Variants in DPP10 observed in about 807,000 individuals in gnomAD.
The protein encoded by DPP10 is dipeptidyl peptidase like 10, also known as inactive dipeptidyl peptidase 10.
Under a neutral mutation model 120.9 loss-of-function variants are expected in DPP10, and 33 were observed. The ratio of observed to expected loss-of-function variants is 0.27; its 90% CI spans 0.21 to 0.37. The LOEUF is 0.37. Among genes scored for constraint, DPP10 ranks in the 10% least tolerant of loss-of-function variants. DPP10 has a pLI of 1.00. For missense variants in DPP10, 816 were observed against 942.8 expected (o/e 0.87, Z 1.76); for synonymous variants, 337 against 326.1 (o/e 1.03, Z -0.36).
At chr2:115,625,824 A>G (rs781593460) in intron 5 of DPP10, among the ~76,000 whole-genome samples, 1 of 151,072 alleles carries the variant, frequency 6.6e-6, no homozygotes, top group South Asian at 2.1e-4. Flanking sequence ...ATTTGGCCAT[A>G]AAAAAGAATG....
At chr2:114,528,936 G>C (rs542579008) in intron 1 of DPP10, among the ~76,000 whole-genome samples, 2 of 152,024 alleles carry the variant, frequency 1.3e-5, no homozygotes, top group African/African-American at 4.8e-5. Flanking sequence ...TTGTCATTCT[G>C]TTTGACCCCT....
intron 1 of DPP10, among the ~76,000 whole-genome samples, chr2:114,882,187 T>C (rs576638182): frequency 1.3e-5 from 2 of 152,164 alleles, no homozygotes; most frequent in Admixed American, 1.3e-4. Flanking sequence ...AATAAGCCAT[T>C]ATATGAAAAA....
At chr2:115,047,524 C>T (rs1228515979) in intron 1 of DPP10, among the ~76,000 whole-genome samples, 4 of 151,694 alleles carry the variant, frequency 2.6e-5, no homozygotes, top group South Asian at 2.1e-4. Flanking sequence ...GTGTCTTTTT[C>T]ATTATTTTAA....
At chr2:115,563,204 A>G (rs1170506559) in intron 5 of DPP10, among the ~76,000 whole-genome samples, 1 of 152,140 alleles carries the variant, frequency 6.6e-6, no homozygotes, top group Admixed American at 6.5e-5. Context: ...GCTGTGCATC[A>G]TTTTATCCTG....
intron 1 of DPP10, among the ~76,000 whole-genome samples, chr2:114,664,863 C>G (rs1294231669): frequency 6.7e-6 from 1 of 149,342 alleles, no homozygotes; most frequent in Non-Finnish European, 1.5e-5. Context: ...GATAGAGCAT[C>G]CAAAAGATGG....
chr2:114,514,770 GT>G lies in DPP10; in HGVS notation c.60+71943del, dbSNP rs1288586304. ...AACTGGGAAAGATCTTTTTTTTCTG[GT>G]TTTTTTTTTTGTTCCTTTTTTTTTC... On this transcript the variant is annotated intron_variant, in intron 1 of 25. Coordinates refer to ENST00000410059, the MANE Select transcript of DPP10 (RefSeq NM_020868.6). Among the ~76,000 whole-genome samples the G allele has an allele frequency of 3.9e-3, 573 of 147,718 alleles. 3 individuals are homozygous for G. Among genetic ancestry groups the G allele is most frequent in the African/African-American group, 0.013 (525 of 40,184 alleles).
chr2:115,469,643 A>G (rs555870775), intron 3 of DPP10, among the ~76,000 whole-genome samples: 1 of 152,314 alleles, frequency 6.6e-6, no homozygotes, highest in South Asian at 2.1e-4. Context: ...TCACACCTGT[A>G]ATCCGAGCAC....
chr2:114,700,806 C>T (rs902030602), intron 1 of DPP10, among the ~76,000 whole-genome samples: 2 of 152,080 alleles, frequency 1.3e-5, no homozygotes, highest in South Asian at 4.1e-4. Flanking sequence ...TACTCCACAA[C>T]ATTGGTACTT....
At chr2:115,250,480 G>T (rs1394229707) in intron 1 of DPP10, among the ~76,000 whole-genome samples, 1 of 152,192 alleles carries the variant, frequency 6.6e-6, no homozygotes, top group Non-Finnish European at 1.5e-5. Context: ...GATTGGAAGA[G>T]AAATGTATGG....
chr2:114,954,484 T>G (rs1698057414), intron 1 of DPP10, among the ~76,000 whole-genome samples: 1 of 151,998 alleles, frequency 6.6e-6, no homozygotes, highest in South Asian at 2.1e-4. Context: ...GGGAAGTTTT[T>G]AAGTAAGTAA....
chr2:114,864,100 A>G (rs1470600753), intron 1 of DPP10, among the ~76,000 whole-genome samples: 1 of 152,236 alleles, frequency 6.6e-6, no homozygotes, highest in African/African-American at 2.4e-5. Context: ...TCTCTTAGAG[A>G]AACATAATGG....
chr2:114,721,877 C>A (rs565579957), intron 1 of DPP10, among the ~76,000 whole-genome samples: 1 of 152,288 alleles, frequency 6.6e-6, no homozygotes, highest in Non-Finnish European at 1.5e-5. Context: ...CTGAATCTGC[C>A]ACTTCCTATC....
intron 21 of DPP10, among the ~76,000 whole-genome samples, chr2:115,828,361 A>G (rs1177517368): frequency 2.0e-5 from 3 of 151,918 alleles, no homozygotes; most frequent in Non-Finnish European, 2.9e-5. Context: ...AGTTTTCTTC[A>G]TATGTCTTAC....
intron 12 of DPP10, 99 bp downstream of exon 12, chr2:115,762,709 T>C: frequency 7.4e-7 from 1 of 1,348,150 alleles, no homozygotes; most frequent in African/African-American, 1.4e-5. Flanking sequence ...AGTTTAAGGC[T>C]TTGCTAGGTT....
intron 13 of DPP10, among the ~76,000 whole-genome samples, chr2:115,776,126 C>A (rs1019441783): frequency 9.9e-5 from 15 of 152,080 alleles, no homozygotes; most frequent in Non-Finnish European, 2.1e-4. Flanking sequence ...ATACACAACA[C>A]TAGAGATAAC....
chr2:115,596,856 G>C (rs925166636), intron 5 of DPP10, among the ~76,000 whole-genome samples: 1 of 152,132 alleles, frequency 6.6e-6, no homozygotes, highest in Non-Finnish European at 1.5e-5. Flanking sequence ...TTCAAATGGA[G>C]ATTTCCTTAA....
At chr2:115,757,943 C>T (rs1679631591) in intron 11 of DPP10, among the ~76,000 whole-genome samples, 1 of 151,610 alleles carries the variant, frequency 6.6e-6, no homozygotes, top group South Asian at 2.1e-4. Flanking sequence ...ACTGAATGTG[C>T]AAACACTCAC....
chr2:114,734,314 C>G (rs1334445103), intron 1 of DPP10, among the ~76,000 whole-genome samples: 1 of 152,176 alleles, frequency 6.6e-6, no homozygotes, highest in Admixed American at 6.5e-5. Flanking sequence ...TCTCTGAAGT[C>G]TGCTACCTGA....
intron 1 of DPP10, among the ~76,000 whole-genome samples, chr2:115,041,847 A>G (rs1011865470): frequency 1.3e-5 from 2 of 152,286 alleles, no homozygotes; most frequent in Admixed American, 1.3e-4. Context: ...AAAGCATATT[A>G]CAGAAATAGG....
Sources: gnomAD v4.1 joint callset for allele counts (sites outside exome capture counted in the v4.1 genomes callset) on GRCh38, gnomAD v4.1.1 for gene constraint, MANE v1.5 for transcripts, NCBI Gene and HGNC (gene_info 2026-07-23, HGNC 2026-07-21) for gene names.